FLYWCH1: variants seen among roughly 807,000 people sequenced by gnomAD.
The protein encoded by FLYWCH1 is FLYWCH-type zinc finger-containing protein 1.
FLYWCH1 carries 75 observed loss-of-function variants against 66.4 expected under a neutral mutation model. That is an observed-to-expected ratio of 1.13 (90% CI 0.94 to 1.37). The LOEUF is 1.37. Ranked by LOEUF, FLYWCH1 falls within the 40% of genes most tolerant of loss-of-function variation. FLYWCH1 has a pLI of 0.00. For missense variants in FLYWCH1, 1,334 were observed against 1,001.8 expected (o/e 1.33, Z -4.48); for synonymous variants, 595 against 429.9 (o/e 1.38, Z -4.75).
chr16:2,936,702 G>A (rs1427320180), intron 6 of FLYWCH1: 1 of 467,128 alleles, frequency 2.1e-6, no homozygotes, highest in Admixed American at 2.3e-5. Flanking sequence ...TACCTGCGCG[G>A]CTCTCGGGGG....
rs149482790 is a variant in FLYWCH1, at chr16:2,921,416, C to T, written c.-74+7127C>T. ...TGCTCCCTTTCTCTGGACAGGGAAG[C>T]GGGTGAGAAGAGCTTATAGAGGCAT... is the stretch of plus-strand genomic sequence containing the variant. On this transcript the variant is annotated intron_variant, in intron 2 of 9. Coordinates refer to ENST00000253928, the MANE Select transcript of FLYWCH1 (RefSeq NM_001308068.2). Among the ~76,000 whole-genome samples the T allele has an allele frequency of 2.3e-3, 343 of 151,680 alleles. 2 individuals are homozygous for T. The highest frequency in any genetic ancestry group is 7.8e-3 in the African/African-American group (320 of 41,286).
intron 8 of FLYWCH1, 33 bp downstream of exon 8, chr16:2,938,489 G>A: frequency 6.7e-7 from 1 of 1,498,706 alleles, no homozygotes; most frequent in Non-Finnish European, 8.9e-7. Flanking sequence ...AGGCAGGGCT[G>A]TGGGCATCCT....
rs1176641418 is a variant in FLYWCH1, at chr16:2,937,310, CACCGG to C, written c.1707_1711del (p.Asp570GlyfsTer90). ...ATGGTCATGCGCAGGCACTGCCACC[CACCGG>C]ACCTGGGCGGCCTGGAGGCCCTGCG... On this transcript the variant is annotated frameshift_variant, in exon 7 of 10. Transcript: ENST00000253928. LOFTEE classifies it high-confidence loss of function. The C allele has an allele frequency of 6.2e-7, 1 of 1,603,612 alleles. No homozygotes were observed. Among genetic ancestry groups the C allele is most frequent in the South Asian group, 1.1e-5 (1 of 90,048 alleles).
chr16:2,933,880 A>G lies in FLYWCH1; in HGVS notation c.1414A>G (p.Thr472Ala). 6.3e-7 allele frequency: 1 copy of G among 1,596,492 alleles called. No homozygotes were observed. The highest frequency in any genetic ancestry group is 8.5e-7 in the Non-Finnish European group (1 of 1,172,032). ...SRAITQGRRV[T>A]VMRGHCHPPD... ...CGCCATCACCCAGGGCCGACGGGTG[A>G]CTGTCATGCGTGGTCACTGCCACCC... Residue 472 changes from threonine (T) to alanine (A), a missense_variant, in exon 6 of 10, where the codon ACT becomes GCT. Coordinates refer to ENST00000253928, the MANE Select transcript of FLYWCH1 (RefSeq NM_001308068.2).
chr16:2,939,208 G>C (rs1165180228), intron 8 of FLYWCH1, among the ~76,000 whole-genome samples: 1 of 152,166 alleles, frequency 6.6e-6, no homozygotes, highest in African/African-American at 2.4e-5. Context: ...CACTTTGGGA[G>C]GCTGAGGCAG....
intron 6 of FLYWCH1, 135 bp downstream of exon 6, chr16:2,934,114 C>A: frequency 8.8e-7 from 1 of 1,142,680 alleles, no homozygotes; most frequent in Non-Finnish European, 1.2e-6. Flanking sequence ...GGAACTATGG[C>A]CCTGGCCTCC....
chr16:2,933,215 G>C lies in FLYWCH1; in HGVS notation c.882G>C (p.Lys294Asn), dbSNP rs2070837245. 1 of 1,613,742 alleles carries C rather than the reference G, an allele frequency of 6.2e-7. No individual in the cohort carries two copies. Among genetic ancestry groups the C allele is most frequent in the Admixed American group, 1.7e-5 (1 of 60,010 alleles). Residue 294 changes from lysine to asparagine, a missense_variant, in exon 5 of 10, where the codon AAG becomes AAC. By Grantham distance (94) the Lys-to-Asn change is moderately conservative. Coordinates refer to ENST00000253928, the MANE Select transcript of FLYWCH1 (RefSeq NM_001308068.2). ...AGTCGTTCCTCTACAAGCGGGAGAA[G>C]GCTGTCGGGGACAAGGTGTATTGGA... ...VHESFLYKRE[K>N]AVGDKVYWTC...
intron 9 of FLYWCH1, among the ~76,000 whole-genome samples, chr16:2,945,104 C>G (rs1452010527): frequency 6.7e-6 from 1 of 149,068 alleles, no homozygotes; most frequent in Non-Finnish European, 1.5e-5. Flanking sequence ...AATCCCAGCA[C>G]TTTGGGAGGC....
At chr16:2,930,362 C>G in intron 3 of FLYWCH1, 48 bp from the exon 4 acceptor site, 2 of 1,237,064 alleles carry the variant, frequency 1.6e-6, no homozygotes, top group Non-Finnish European at 2.2e-6. Flanking sequence ...TGCCTGCGAC[C>G]CTGAGCTTTG....
chr16:2,933,370 A>C lies in FLYWCH1; in HGVS notation c.1037A>C (p.Lys346Thr), dbSNP rs2070847877. Residue 346 changes from lysine to threonine, a missense_variant, in exon 5 of 10, where the codon AAG becomes ACG. Physicochemically the swap from Lys to Thr is moderately conservative, Grantham distance 78. Coordinates refer to ENST00000253928, the MANE Select transcript of FLYWCH1 (RefSeq NM_001308068.2). Reference sequence around the variant, plus strand: ...CTGGAAGCCCGGCGGCAGCAGGAGAAGGCCGTGGAGACGCTGCAGGCTGGG... The same window carrying C: ...CTGGAAGCCCGGCGGCAGCAGGAGACGGCCGTGGAGACGCTGCAGGCTGGG... ...EGLEARRQQE[K>T]AVETLQAGQD... is the part of the protein sequence containing the mutation. 3.7e-6 allele frequency: 6 copies of C among 1,603,350 alleles called. No homozygotes were observed. The highest frequency in any genetic ancestry group is 5.1e-6 in the Non-Finnish European group (6 of 1,175,616).
intron 9 of FLYWCH1, among the ~76,000 whole-genome samples, chr16:2,945,268 A>T (rs918195067): frequency 6.6e-6 from 1 of 151,964 alleles, no homozygotes; most frequent in African/African-American, 2.4e-5. Flanking sequence ...CAGGCGGATC[A>T]CGAGGTCAGG....
chr16:2,922,664 G>T, intron 2 of FLYWCH1: 1 of 446,814 alleles, frequency 2.2e-6, no homozygotes, highest in Non-Finnish European at 4.3e-6. Flanking sequence ...CGGTTTACAT[G>T]ATCTCCATTT....
intron 9 of FLYWCH1, among the ~76,000 whole-genome samples, chr16:2,948,004 G>A: frequency 6.6e-6 from 1 of 152,032 alleles, no homozygotes; most frequent in Non-Finnish European, 1.5e-5. Context: ...TGGCACCACT[G>A]CACTCCAGCC....
intron 9 of FLYWCH1, among the ~76,000 whole-genome samples, chr16:2,944,761 G>T (rs1443129822): frequency 6.6e-6 from 1 of 151,588 alleles, no homozygotes; most frequent in Non-Finnish European, 1.5e-5. Context: ...GGTGGAGGTT[G>T]CAGTGAGCTG....
chr16:2,942,024 C>G, intron 9 of FLYWCH1, among the ~76,000 whole-genome samples: 1 of 102,276 alleles, frequency 9.8e-6, no homozygotes, highest in South Asian at 3.5e-4. Flanking sequence ...AAAAAAAAAA[C>G]TGAAGCAGAA....
chr16:2,945,072 G>A lies in FLYWCH1; in HGVS notation c.2112-3616G>A, dbSNP rs189860540. ...AAGCAAAAAATTCAAATCCTTGGCC[G>A]GGCATGGTGGCTCACACCTGTAATC... On this transcript the variant is annotated intron_variant, in intron 9 of 9. Coordinates refer to ENST00000253928, the MANE Select transcript of FLYWCH1 (RefSeq NM_001308068.2). 1.6e-3 allele frequency among the ~76,000 whole-genome samples: 234 copies of A among 150,492 alleles called. 1 individual carries two copies. The highest frequency in any genetic ancestry group is 5.4e-3 in the African/African-American group (221 of 40,984).
rs555774328 is a variant in FLYWCH1, at chr16:2,919,234, C to T, written c.-74+4945C>T. On this transcript the variant is annotated intron_variant, in intron 2 of 9. Coordinates refer to ENST00000253928, the MANE Select transcript of FLYWCH1 (RefSeq NM_001308068.2). ...ACACCCAGCTGCTCTCTGATATATG[C>T]GTGTATATTTATTCATTTGTTTTAA... 3.0e-4 allele frequency among the ~76,000 whole-genome samples: 45 copies of T among 148,358 alleles called. No homozygotes were observed. In the East Asian group the frequency reaches 7.7e-3, roughly 26 times the overall value.
chr16:2,932,144 G>A (rs975496669), intron 4 of FLYWCH1, among the ~76,000 whole-genome samples: 6 of 145,774 alleles, frequency 4.1e-5, no homozygotes, highest in African/African-American at 7.7e-5. Context: ...AATTAGCTGG[G>A]CGTGGAGGCG....
chr16:2,945,648 A>C (rs900874197), intron 9 of FLYWCH1, among the ~76,000 whole-genome samples: 2 of 143,388 alleles, frequency 1.4e-5, no homozygotes, highest in Non-Finnish European at 3.0e-5. Context: ...AAAAAAAAAA[A>C]ATACTGTCTC....
Sources: allele counts gnomAD v4.1 joint callset (sites outside exome capture counted in the v4.1 genomes callset), GRCh38; gene constraint gnomAD v4.1.1; transcripts MANE v1.5; gene names NCBI Gene and HGNC (gene_info 2026-07-23, HGNC 2026-07-21).